The following MYO16 variants were observed in gnomAD, a reference collection of about 807,000 sequenced individuals.
The protein encoded by MYO16 is myosin XVI, also known as unconventional myosin-XVI.
Under a neutral mutation model 205.3 loss-of-function variants are expected in MYO16, and 94 were observed. The observed-to-expected ratio is 0.46, with a 90% CI of 0.39 to 0.54. The LOEUF is 0.54. MYO16 is among the 20% of genes least tolerant of loss of function. The probability of loss-of-function intolerance (pLI) is 0.00; values close to 1 mark genes in which losing one functional copy is unlikely to be tolerated. For synonymous variants in MYO16, 988 were observed against 954.0 expected (o/e 1.04, Z -0.66); for missense variants, 2,315 against 2,387.5 (o/e 0.97, Z 0.63).
At chr13:108,866,543 C>G (rs1356663799) in intron 12 of MYO16, among the ~76,000 whole-genome samples, 1 of 152,090 alleles carries the variant, frequency 6.6e-6, no homozygotes, top group Middle Eastern at 3.2e-3. Flanking sequence ...TTCACTAACT[C>G]AAGATCATTT....
chr13:108,889,142 A>T (rs1880044962), intron 14 of MYO16, among the ~76,000 whole-genome samples: 1 of 152,192 alleles, frequency 6.6e-6, no homozygotes, highest in African/African-American at 2.4e-5. Flanking sequence ...GTGAGGGATC[A>T]CTGGGGCCTG....
the MYO16 span, among the ~76,000 whole-genome samples, chr13:108,555,688 A>G: frequency 6.6e-6 from 1 of 152,162 alleles, no homozygotes; most frequent in Non-Finnish European, 1.5e-5. Flanking sequence ...AGATCTGTTG[A>G]ACATATTCTA....
chr13:108,547,120 A>T, the MYO16 span, among the ~76,000 whole-genome samples: 1 of 151,892 alleles, frequency 6.6e-6, no homozygotes, highest in Admixed American at 6.6e-5. Context: ...AAAATACAAA[A>T]AATTAGCTGG....
At chr13:109,174,681 A>G (rs1209781715) in intron 33 of MYO16, among the ~76,000 whole-genome samples, 1 of 151,858 alleles carries the variant, frequency 6.6e-6, no homozygotes, top group Non-Finnish European at 1.5e-5. Context: ...ATAGATTCTA[A>G]CCGGTCAGCC....
intron 1 of MYO16, among the ~76,000 whole-genome samples, chr13:108,609,026 C>A (rs1376628123): frequency 6.6e-6 from 1 of 151,410 alleles, no homozygotes; most frequent in Non-Finnish European, 1.5e-5. Flanking sequence ...TTGAAAGGTA[C>A]TCAATGGTGA....
At chr13:108,666,280 A>G in intron 2 of MYO16, 131 bp downstream of exon 2, 1 of 1,049,704 alleles carries the variant, frequency 9.5e-7, no homozygotes, top group Non-Finnish European at 1.3e-6. Context: ...ACTATCTTTT[A>G]ACTGTTTGTA....
At chr13:108,848,369 C>T (rs1467235282) in intron 10 of MYO16, among the ~76,000 whole-genome samples, 2 of 152,192 alleles carry the variant, frequency 1.3e-5, no homozygotes, top group African/African-American at 2.4e-5. Context: ...TGTTGGTTAA[C>T]ATTTCAAAGC....
intron 22 of MYO16, among the ~76,000 whole-genome samples, chr13:109,011,040 G>T (rs1219062821): frequency 6.7e-6 from 1 of 149,384 alleles, no homozygotes; most frequent in Non-Finnish European, 1.5e-5. Flanking sequence ...TGAGCTTCTT[G>T]CAGTGTACTC....
chr13:108,523,769 A>C, the MYO16 span, among the ~76,000 whole-genome samples: 12 of 152,334 alleles, frequency 7.9e-5, no homozygotes, highest in Middle Eastern at 0.01. Context: ...TGTTCCAGGA[A>C]CTTTACCTCG....
chr13:108,938,150 A>C (rs1470257170), intron 16 of MYO16, among the ~76,000 whole-genome samples: 1 of 151,696 alleles, frequency 6.6e-6, no homozygotes, highest in African/African-American at 2.4e-5. Context: ...GTGACTGTAG[A>C]GAATGTTGGG....
chr13:108,869,544 G>A (rs1275631609), intron 12 of MYO16, among the ~76,000 whole-genome samples: 2 of 144,210 alleles, frequency 1.4e-5, no homozygotes. Context: ...CTAACACGAT[G>A]AAACCCCGTC....
At chr13:108,763,804 T>TGTGC (rs1376844694) in intron 4 of MYO16, among the ~76,000 whole-genome samples, 1 of 151,406 alleles carries the variant, frequency 6.6e-6, no homozygotes, top group South Asian at 2.1e-4. Context: ...TGTGTGTGTG[T>TGTGC]GTGTGTGTGT....
chr13:108,758,513 A>C (rs1566590356), intron 4 of MYO16, among the ~76,000 whole-genome samples: 1 of 152,306 alleles, frequency 6.6e-6, no homozygotes, highest in East Asian at 1.9e-4. Flanking sequence ...TAAAGGGAAG[A>C]GAAAAGGAGC....
At position 109,179,566 on chromosome 13, in the gene MYO16, C is replaced by CA; in HGVS notation, c.5349dup (p.Arg1784ThrfsTer33). The CA allele has an allele frequency of 6.2e-7, 1 of 1,613,918 alleles. No homozygotes were observed. Among genetic ancestry groups the CA allele is most frequent in the Non-Finnish European group, 8.5e-7 (1 of 1,179,842 alleles). On this transcript the variant is annotated frameshift_variant, in exon 34 of 35. Transcript: ENST00000457511. LOFTEE classifies it high-confidence loss of function. The stretch of plus-strand genomic sequence containing the variant: ...GGTTTACCTGAAGAAGATGGATACT[C>CA]ACGGTTGTCTATAAGTGGCACAGGG...
chr13:108,831,595 C>T (rs903146553), intron 9 of MYO16, among the ~76,000 whole-genome samples: 10 of 152,144 alleles, frequency 6.6e-5, no homozygotes, highest in Admixed American at 4.6e-4. Context: ...TCACTGCAAC[C>T]TCTGCTTCCT....
chr13:108,819,275 C>T (rs979017658), intron 7 of MYO16, among the ~76,000 whole-genome samples: 1 of 152,128 alleles, frequency 6.6e-6, no homozygotes, highest in Non-Finnish European at 1.5e-5. Flanking sequence ...CTATTCCATG[C>T]AGCCAAAAGA....
the MYO16 span, among the ~76,000 whole-genome samples, chr13:108,557,972 A>G: frequency 6.6e-6 from 1 of 152,208 alleles, no homozygotes; most frequent in Non-Finnish European, 1.5e-5. Context: ...GTGAGGCTAC[A>G]TAATAATTGG....
At chr13:108,638,770 G>A (rs1421472669) in intron 1 of MYO16, among the ~76,000 whole-genome samples, 4 of 152,166 alleles carry the variant, frequency 2.6e-5, no homozygotes, top group Middle Eastern at 3.4e-3. Flanking sequence ...AATTGAAAAT[G>A]AATAACGAAT....
At chr13:108,832,426 G>C (rs1055747459) in intron 9 of MYO16, among the ~76,000 whole-genome samples, 2 of 151,778 alleles carry the variant, frequency 1.3e-5, no homozygotes, top group Non-Finnish European at 2.9e-5. Flanking sequence ...ACAGGCGTGA[G>C]CCACCGTGCC....
Sources: gnomAD v4.1 joint callset for allele counts (sites outside exome capture counted in the v4.1 genomes callset) on GRCh38, gnomAD v4.1.1 for gene constraint, MANE v1.5 for transcripts, NCBI Gene and HGNC (gene_info 2026-07-23, HGNC 2026-07-21) for gene names.